CCDC171: variants seen among roughly 807,000 people sequenced by gnomAD.
CCDC171 encodes coiled-coil domain containing 171, also known as coiled-coil domain-containing protein 171.
A neutral mutation model predicts 168.2 loss-of-function variants in CCDC171; 177 were observed. The observed-to-expected ratio is 1.05, with a 90% CI of 0.93 to 1.19. The LOEUF (loss-of-function observed/expected upper bound fraction) is 1.19, where lower values mean the gene tolerates loss of function less well. CCDC171 is among the 50% of genes most tolerant of loss of function. CCDC171 has a pLI of 0.00. For missense variants in CCDC171, 1,991 were observed against 1,539.0 expected, an observed-to-expected ratio of 1.29 and a Z score of -4.91; for synonymous variants, 687 against 540.8, an observed-to-expected ratio of 1.27 and a Z score of -3.75.
At chr9:15,834,905 C>G (rs1257834198) in intron 21 of CCDC171, among the ~76,000 whole-genome samples, 1 of 152,164 alleles carries the variant, frequency 6.6e-6, no homozygotes, top group African/African-American at 2.4e-5. Context: ...TCAAAGCAAA[C>G]CAAAATCATC....
At chr9:15,808,248 A>G (rs1304226188) in intron 21 of CCDC171, among the ~76,000 whole-genome samples, 1 of 152,118 alleles carries the variant, frequency 6.6e-6, no homozygotes, top group East Asian at 1.9e-4. Context: ...CAACAGTAGA[A>G]ATATAACTGG....
At chr9:15,661,176 A>G (rs1045371591) in intron 8 of CCDC171, among the ~76,000 whole-genome samples, 5 of 151,108 alleles carry the variant, frequency 3.3e-5, no homozygotes, top group Admixed American at 3.3e-4. Context: ...GCTACTCCGG[A>G]GGCTGAGGCA....
Position 15,571,676 on chromosome 9 carries a change from T to C in CCDC171, c.94T>C (p.Leu32=). ...ACAAATACTTAAAAATGAAACAGAG[T>C]TGGATATTACTGATAATCTCAGGAA... ...VKQILKNETE[L]DITDNLRKKL... The change falls in exon 3 of 26, where the codon TTG becomes CTG. Residue 32 remains leucine, a synonymous_variant. Coordinates refer to ENST00000380701, the MANE Select transcript of CCDC171 (RefSeq NM_173550.4). The C allele has an allele frequency of 6.4e-7, 1 of 1,574,568 alleles. No homozygotes were observed. Among genetic ancestry groups the C allele is most frequent in the Non-Finnish European group, 8.6e-7 (1 of 1,166,656 alleles).
chr9:15,903,210 T>G (rs1821969773), intron 24 of CCDC171, among the ~76,000 whole-genome samples: 1 of 152,178 alleles, frequency 6.6e-6, no homozygotes, highest in Non-Finnish European at 1.5e-5. Flanking sequence ...GAGTTTGAGA[T>G]CTGAGAACGG....
chr9:15,770,099 T>A (rs1273360210), intron 18 of CCDC171, among the ~76,000 whole-genome samples: 17 of 152,234 alleles, frequency 1.1e-4, no homozygotes, highest in Non-Finnish European at 1.5e-5. Flanking sequence ...CACTATGTTG[T>A]AAAACGAACT....
chr9:16,088,436 G>C, the CCDC171 span, among the ~76,000 whole-genome samples: 2 of 152,304 alleles, frequency 1.3e-5, no homozygotes, highest in South Asian at 2.1e-4. Flanking sequence ...GATTATCTCT[G>C]TTTGCAAATG....
chr9:15,919,324 C>G (rs1028313272), intron 24 of CCDC171, among the ~76,000 whole-genome samples: 3 of 151,634 alleles, frequency 2.0e-5, no homozygotes, highest in African/African-American at 7.3e-5. Flanking sequence ...AATTATTTTT[C>G]ACATGCATTC....
intron 6 of CCDC171, among the ~76,000 whole-genome samples, chr9:16,033,539 G>C (rs975299578): frequency 6.6e-6 from 1 of 152,210 alleles, no homozygotes; most frequent in Non-Finnish European, 1.5e-5. Context: ...GGACGGCCTA[G>C]TTGCAGGAAA....
At chr9:15,668,735 A>G (rs1411160504) in intron 9 of CCDC171, among the ~76,000 whole-genome samples, 1 of 152,108 alleles carries the variant, frequency 6.6e-6, no homozygotes, top group Admixed American at 6.6e-5. Flanking sequence ...ATCTACCTGT[A>G]CTTCCATTTT....
chr9:15,570,321 C>T (rs433849), intron 2 of CCDC171, among the ~76,000 whole-genome samples: 78,441 of 151,622 alleles, frequency 0.52, 20,414 homozygotes, highest in East Asian at 0.68. Context: ...ATTTCATTTC[C>T]TATTGCAGTC....
At chr9:15,936,424 C>G (rs745789175) in intron 25 of CCDC171, among the ~76,000 whole-genome samples, 1 of 151,914 alleles carries the variant, frequency 6.6e-6, no homozygotes, top group African/African-American at 2.4e-5. Context: ...ACAATCAGAA[C>G]ACACAGAGAG....
rs1588138704 is a variant in CCDC171, at chr9:15,721,699, G to A, written c.1319-70G>A. 6 of 717,744 alleles carry A rather than the reference G, an allele frequency of 8.4e-6. No homozygotes were observed. The East Asian group carries it at 1.8e-4, about 21-fold the overall frequency. 44.5% of individuals were successfully genotyped at this position (717,744 alleles called of 1,614,324 possible). ...AGCTCTACCTAATTGTAGTATCTCT[G>A]TTACTATTTGCCTAAGTTTTGTCCC... On this transcript the variant is annotated intron_variant, in intron 11 of 25. Coordinates refer to ENST00000380701, the MANE Select transcript of CCDC171 (RefSeq NM_173550.4).
chr9:15,624,112 T>C (rs1476602748), intron 7 of CCDC171, among the ~76,000 whole-genome samples: 4 of 152,276 alleles, frequency 2.6e-5, no homozygotes, highest in South Asian at 2.1e-4. Flanking sequence ...TTAACACTTA[T>C]TAAACTCACT....
At chr9:15,710,941 A>G (rs1382007375) in intron 11 of CCDC171, among the ~76,000 whole-genome samples, 2 of 152,174 alleles carry the variant, frequency 1.3e-5, no homozygotes, top group African/African-American at 4.8e-5. Context: ...ATTTGTTAAA[A>G]AACTGTTTCA....
At chr9:15,584,960 A>G (rs1225495365) in intron 4 of CCDC171, among the ~76,000 whole-genome samples, 2 of 152,214 alleles carry the variant, frequency 1.3e-5, no homozygotes, top group Admixed American at 1.3e-4. Flanking sequence ...TCTACAGAGT[A>G]AGATAGAGAG....
intron 3 of CCDC171, among the ~76,000 whole-genome samples, chr9:15,983,810 TAAAG>T (rs1173406974): frequency 4.2e-5 from 3 of 71,464 alleles, no homozygotes; most frequent in South Asian, 5.9e-4. Context: ...AAGAGCTAAA[TAAAG>T]AGAGTGTGTG....
At chr9:15,954,182 T>A (rs1829525701) in intron 25 of CCDC171, among the ~76,000 whole-genome samples, 1 of 151,628 alleles carries the variant, frequency 6.6e-6, no homozygotes, top group Non-Finnish European at 1.5e-5. Context: ...ATTTTGTTTA[T>A]CTCTTCTCTA....
intron 3 of CCDC171, among the ~76,000 whole-genome samples, chr9:16,015,221 T>G (rs1180760260): frequency 2.0e-5 from 3 of 152,320 alleles, no homozygotes; most frequent in Non-Finnish European, 4.4e-5. Context: ...TGTTTCACCT[T>G]ACACTTCTAT....
chr9:15,575,320 C>T (rs945017425), intron 3 of CCDC171, among the ~76,000 whole-genome samples: 23 of 151,978 alleles, frequency 1.5e-4, no homozygotes, highest in South Asian at 4.1e-4. Flanking sequence ...CAGGCACGCA[C>T]GTGCCACCAT....
Sources: allele counts gnomAD v4.1 joint callset (sites outside exome capture counted in the v4.1 genomes callset), GRCh38; gene constraint gnomAD v4.1.1; transcripts MANE v1.5; gene names NCBI Gene and HGNC (gene_info 2026-07-23, HGNC 2026-07-21).